AMZ1: variants seen among roughly 807,000 people sequenced by gnomAD.
AMZ1 encodes the protein archaelysin family metallopeptidase 1.
A neutral mutation model predicts 29.9 loss-of-function variants in AMZ1; 39 were observed. The ratio of observed to expected loss-of-function variants is 1.30; its 90% CI spans 1.01 to 1.70. The LOEUF is 1.70. Ranked by LOEUF, AMZ1 falls within the 40% of genes most tolerant of loss-of-function variation. AMZ1 has a pLI of 0.00. For missense variants in AMZ1, 1,041 were observed against 680.6 expected (o/e 1.53, Z -5.89); for synonymous variants, 458 against 304.0 (o/e 1.51, Z -5.27).
intron 4 of AMZ1, among the ~76,000 whole-genome samples, chr7:2,743,172 C>T (rs1459376907): frequency 1.3e-5 from 2 of 152,148 alleles, no homozygotes; most frequent in African/African-American, 4.8e-5. Context: ...CTGGCTGGCC[C>T]CTGAACCGTA....
At chr7:2,745,584 A>G (rs1429129132) in intron 4 of AMZ1, among the ~76,000 whole-genome samples, 1 of 152,252 alleles carries the variant, frequency 6.6e-6, no homozygotes, top group Non-Finnish European at 1.5e-5. Flanking sequence ...TGTAAAGACC[A>G]TCAAGGCTAG....
chr7:2,762,924 G>T, upstream of AMZ1: 1 of 1,404,518 alleles, frequency 7.1e-7, no homozygotes, highest in Non-Finnish European at 9.3e-7. Context: ...CACAGGCGGG[G>T]ACGCCCCAGA....
rs376039177 is a variant in AMZ1, at chr7:2,731,132, G to A, written n.550+21316G>A. The A allele has an allele frequency of 7.0e-5, 91 of 1,295,988 alleles. No homozygotes were observed. The highest frequency in any genetic ancestry group is 8.7e-5 in the Non-Finnish European group (80 of 915,310). 80.3% of individuals were successfully genotyped at this position (1,295,988 alleles called of 1,614,324 possible). On this transcript the variant is annotated intron_variant and non_coding_transcript_variant, in intron 4 of 4. Coordinates refer to the AMZ1 transcript ENST00000489665. The surrounding 1 kb of genome is among the most constrained non-coding windows in gnomAD (Gnocchi z 6.0). Reference sequence around the variant, plus strand: ...ACAACACACACCCAAGAGTCTGACCGACAGCCGTGGGGGCTGCTCAACGAC... The same window carrying A: ...ACAACACACACCCAAGAGTCTGACCAACAGCCGTGGGGGCTGCTCAACGAC...
chr7:2,737,568 C>T (rs1408843152), intron 4 of AMZ1, among the ~76,000 whole-genome samples: 3 of 152,066 alleles, frequency 2.0e-5, no homozygotes, highest in Admixed American at 6.6e-5. Flanking sequence ...GGATTACAGG[C>T]GTGAGCCACA....
At position 2,709,566 on chromosome 7, in the gene AMZ1, C is replaced by T. The variant is rs572030203; in HGVS notation, c.772-74C>T. 9 of 1,547,866 alleles carry T rather than the reference C, an allele frequency of 5.8e-6. No individual in the cohort carries two copies. In the South Asian group the frequency reaches 1.1e-4, roughly 18 times the overall value. On this transcript the variant is annotated intron_variant, in intron 5 of 6. Coordinates refer to ENST00000683327, the MANE Select transcript of AMZ1 (RefSeq NM_001384743.1). The stretch of plus-strand genomic sequence containing the variant: ...CACCCAGGTCCTCATTTTGGTCCTG[C>T]TGGGGCTGCCTGGGGATCTGCCGGA...
chr7:2,733,448 C>T (rs1790003406), intron 4 of AMZ1: 1 of 1,613,396 alleles, frequency 6.2e-7, no homozygotes, highest in Admixed American at 1.7e-5. Flanking sequence ...CGTGCTTACT[C>T]ACCAGCTGGC....
intron 4 of AMZ1, among the ~76,000 whole-genome samples, chr7:2,755,452 C>T (rs1330017350): frequency 6.6e-6 from 1 of 152,132 alleles, no homozygotes; most frequent in Non-Finnish European, 1.5e-5. Context: ...CAAACAAGTC[C>T]TCTAGATGTT....
chr7:2,696,012 G>GAA (rs372241499), intron 1 of AMZ1, among the ~76,000 whole-genome samples: 30 of 139,928 alleles, frequency 2.1e-4, no homozygotes, highest in Admixed American at 9.8e-4. Context: ...GTCTTGGGGG[G>GAA]GAAAAAAAAA....
intron 4 of AMZ1, 105 bp downstream of exon 4, chr7:2,708,821 T>C (rs1201240622): frequency 5.8e-6 from 9 of 1,544,380 alleles, no homozygotes; most frequent in Non-Finnish European, 7.9e-6. Flanking sequence ...AGCACCCTCC[T>C]GGTGGAAGTC....
At chr7:2,724,509 A>G (rs1789546612), downstream of AMZ1, among the ~76,000 whole-genome samples, 1 of 152,132 alleles carries the variant, frequency 6.6e-6, no homozygotes, top group Non-Finnish European at 1.5e-5. Flanking sequence ...AAGCCCTTCC[A>G]CCGACCATGG....
rs561304901 is a variant in AMZ1 at position 2,713,124 on chromosome 7, C to T, written c.*246C>T. ...GGATGAAGTGGTTCATGCCTGTGTT[C>T]CCAGCTATTCAGGAGGCTGAGGTGG... On this transcript the variant is annotated 3_prime_UTR_variant, in exon 7 of 7. Transcript: ENST00000683327. 2.7e-6 allele frequency: 1 copy of T among 368,100 alleles called. No individual in the cohort carries two copies. The highest frequency in any genetic ancestry group is 4.8e-6 in the Non-Finnish European group (1 of 209,548). The allele number at this position is 368,100 out of a possible 1,614,324, so 22.8% of individuals were successfully genotyped here.
chr7:2,684,412 C>A (rs564620317), upstream of AMZ1, among the ~76,000 whole-genome samples: 1 of 152,250 alleles, frequency 6.6e-6, no homozygotes, highest in Non-Finnish European at 1.5e-5. Context: ...TGTAACCCAC[C>A]CTGGGGAAAC....
rs551371798 is a variant in AMZ1, at chr7:2,688,304, G to A, written c.-219+8G>A. 201 of 151,832 alleles carry A rather than the reference G, an allele frequency of 1.3e-3. No individual in the cohort carries two copies. The highest frequency in any genetic ancestry group is 4.6e-3 in the African/African-American group (189 of 41,500). 9.4% of individuals were successfully genotyped at this position (151,832 alleles called of 1,614,324 possible). ...CGGGCGCGGGACTGCGAGGTAGGGG[G>A]GCGCGCGGGGAAGACTCGGGGGCGC... On this transcript the variant is annotated splice_region_variant and intron_variant, in intron 1 of 6. Transcript: ENST00000683327.
chr7:2,727,751 T>G lies in AMZ1; in HGVS notation n.550+17935T>G, dbSNP rs1789680337. 2.6e-5 allele frequency among the ~76,000 whole-genome samples: 4 copies of G among 152,130 alleles called. No individual in the cohort carries two copies. In the South Asian group the frequency reaches 8.3e-4, roughly 32 times the overall value. On this transcript the variant is annotated intron_variant and non_coding_transcript_variant, in intron 4 of 4. Coordinates refer to the AMZ1 transcript ENST00000489665. ...GAATAAATAATAAACCACCTTCAAA[T>G]AACATTAGGATTAGAGCTGGGTGTG... is the stretch of plus-strand genomic sequence containing the variant.
intron 1 of AMZ1, among the ~76,000 whole-genome samples, chr7:2,696,930 T>C (rs1326151823): frequency 6.6e-6 from 1 of 152,040 alleles, no homozygotes; most frequent in African/African-American, 2.4e-5. Context: ...GGTGGGATTG[T>C]AAACTGGTGT....
intron 4 of AMZ1, among the ~76,000 whole-genome samples, chr7:2,735,437 C>G (rs997791913): frequency 6.7e-6 from 1 of 150,178 alleles, no homozygotes; most frequent in Admixed American, 6.7e-5. Context: ...CTTATCACCA[C>G]AGGACACAAA....
At chr7:2,741,715 GTCA>G (rs979512568) in intron 4 of AMZ1, among the ~76,000 whole-genome samples, 4 of 152,008 alleles carry the variant, frequency 2.6e-5, no homozygotes, top group African/African-American at 9.7e-5. Flanking sequence ...TTAAAAATCC[GTCA>G]TCATTTGAGA....
At position 2,712,878 on chromosome 7, in the gene AMZ1, G is replaced by C; in HGVS notation, c.1497G>C (p.Ter499TyrextTer20). ...APRPWDGEES[*>Y] Reference sequence around the variant, plus strand: ...GTCCCTGGGATGGGGAAGAGAGTTAGTACAGCAGGGGCTGCCCTACGTCTC... The same window carrying C: ...GTCCCTGGGATGGGGAAGAGAGTTACTACAGCAGGGGCTGCCCTACGTCTC... Residue 499 changes from the stop codon to tyrosine (Y), a stop_lost, in exon 7 of 7, where the codon TAG becomes TAC. Transcript: ENST00000683327. 1 of 1,516,274 alleles carries C rather than the reference G, an allele frequency of 6.6e-7. No individual in the cohort carries two copies. Among genetic ancestry groups the C allele is most frequent in the Non-Finnish European group, 8.8e-7 (1 of 1,132,248 alleles). The allele number at this position is 1,516,274 out of a possible 1,614,324, so 93.9% of individuals were successfully genotyped here. A position where few individuals can be genotyped will look rare whatever the true frequency, so the allele number is the denominator to read the frequency against.
At chr7:2,746,989 T>C (rs940465481) in intron 4 of AMZ1, among the ~76,000 whole-genome samples, 3 of 149,068 alleles carry the variant, frequency 2.0e-5, no homozygotes, top group Non-Finnish European at 4.5e-5. Flanking sequence ...AATCTCTGAA[T>C]AGACCAATAA....
Sources: allele counts gnomAD v4.1 joint callset (sites outside exome capture counted in the v4.1 genomes callset), GRCh38; gene constraint gnomAD v4.1.1; non-coding constraint Gnocchi (gnomAD v3.1); transcripts MANE v1.5; gene names NCBI Gene and HGNC (gene_info 2026-07-23, HGNC 2026-07-21).